GLI2: variants seen among roughly 807,000 people sequenced by gnomAD.
The protein encoded by GLI2 is transcription activator GLI2.
GLI2 carries 22 observed loss-of-function variants against 78.9 expected under a neutral mutation model. The observed-to-expected ratio is 0.28, with a 90% CI of 0.20 to 0.40. The LOEUF is 0.40. Among genes scored for constraint, GLI2 ranks in the 10% least tolerant of loss-of-function variants. GLI2 has a pLI of 1.00. For synonymous variants in GLI2, 974 were observed against 963.7 expected, an observed-to-expected ratio of 1.01 and a Z score of -0.20; for missense variants, 2,097 against 2,213.2, an observed-to-expected ratio of 0.95 and a Z score of 1.05.
chr2:120,955,181 T>TGGAGG, intron 4 of GLI2, 64 bp from the exon 5 acceptor site: 1 of 531,602 alleles, frequency 1.9e-6, no homozygotes, highest in Non-Finnish European at 3.3e-6. Flanking sequence ...TTTTTTTTTT[T>TGGAGG]GGCAGGAGAA....
intron 5 of GLI2, among the ~76,000 whole-genome samples, chr2:120,962,633 C>T (rs990080070): frequency 7.9e-5 from 12 of 152,218 alleles, no homozygotes; most frequent in Admixed American, 7.8e-4. Flanking sequence ...CAGATGAATA[C>T]TCCATGTTCC....
At chr2:120,849,030 T>C (rs991379048) in intron 2 of GLI2, among the ~76,000 whole-genome samples, 2 of 152,212 alleles carry the variant, frequency 1.3e-5, no homozygotes, top group Non-Finnish European at 2.9e-5. Context: ...TGACACATGC[T>C]GCAACATGGA....
In GLI2 at chr2:120,931,307, G is replaced by A. The variant is rs191622190; in HGVS notation, c.254+3841G>A. On this transcript the variant is annotated intron_variant, in intron 3 of 13. Transcript: ENST00000361492. The stretch of plus-strand genomic sequence containing the variant: ...TCACACACATCACCTTTTCCCCCTT[G>A]CTCTGTCCTCACCTTGCCCTCTTCC... 1.6e-3 allele frequency among the ~76,000 whole-genome samples: 236 copies of A among 152,226 alleles called. 1 individual carries two copies. The highest frequency in any genetic ancestry group is 5.3e-3 in the African/African-American group (222 of 41,524).
rs558543554 is a variant in GLI2, at chr2:120,882,373, G to T, written c.149-44988G>T. 3.3e-5 allele frequency among the ~76,000 whole-genome samples: 5 copies of T among 152,352 alleles called. No individual in the cohort carries two copies. The South Asian group carries it at 1.0e-3, about 32-fold the overall frequency. ...TTGGGCTGGAGGGCGCCCGCTGCAGGCGTCAGCTGCTGCCGGCTGCGGGAT... is the reference window on the plus strand; with the variant it reads ...TTGGGCTGGAGGGCGCCCGCTGCAGTCGTCAGCTGCTGCCGGCTGCGGGAT... On this transcript the variant is annotated intron_variant, in intron 2 of 13. Coordinates refer to ENST00000361492, the MANE Select transcript of GLI2 (RefSeq NM_001374353.1).
rs1233923100 is a variant in GLI2 at position 120,990,644 on chromosome 2, A to AG, written c.4681dup (p.Glu1561GlyfsTer44). The stretch of plus-strand genomic sequence containing the variant: ...AGCTCCATGCTCACCAGCCTCGCCG[A>AG]GGAGAGCAAGTTCCTGAACATGATG... On this transcript the variant is annotated frameshift_variant, in exon 14 of 14. Coordinates refer to ENST00000361492, the MANE Select transcript of GLI2 (RefSeq NM_001374353.1). LOFTEE classifies it high-confidence loss of function. 1 of 1,612,962 alleles carries AG rather than the reference A, an allele frequency of 6.2e-7. No individual in the cohort carries two copies. The highest frequency in any genetic ancestry group is 2.2e-5 in the East Asian group (1 of 44,852).
chr2:120,915,910 C>A (rs371001529), intron 2 of GLI2, among the ~76,000 whole-genome samples: 3 of 152,224 alleles, frequency 2.0e-5, no homozygotes, highest in African/African-American at 4.8e-5. Context: ...ATGTCTCCCC[C>A]ACTCCCGCCT....
At chr2:120,809,635 C>G (rs924702059) in intron 2 of GLI2, among the ~76,000 whole-genome samples, 4 of 152,262 alleles carry the variant, frequency 2.6e-5, no homozygotes, top group Non-Finnish European at 4.4e-5. Context: ...GGGGCCTGGT[C>G]GTGCTGCTGC....
chr2:120,879,467 G>A (rs1300537464), intron 2 of GLI2, among the ~76,000 whole-genome samples: 1 of 152,206 alleles, frequency 6.6e-6, no homozygotes, highest in Non-Finnish European at 1.5e-5. Flanking sequence ...CTCCTAGCCA[G>A]GCAGGAGATA....
intron 4 of GLI2, among the ~76,000 whole-genome samples, chr2:120,953,407 A>G (rs572431374): frequency 1.3e-5 from 2 of 152,214 alleles, no homozygotes; most frequent in Non-Finnish European, 2.9e-5. Flanking sequence ...CCCTGCCAGC[A>G]CCTTAATTTC....
At chr2:120,769,706 G>A (rs1047888661) in intron 1 of GLI2, among the ~76,000 whole-genome samples, 2 of 152,230 alleles carry the variant, frequency 1.3e-5, no homozygotes, top group African/African-American at 4.8e-5. Context: ...TGTGAATGTA[G>A]GGGTGTGTCT....
chr2:120,829,135 C>G (rs1686232803), intron 2 of GLI2, among the ~76,000 whole-genome samples: 1 of 152,160 alleles, frequency 6.6e-6, no homozygotes, highest in Non-Finnish European at 1.5e-5. Flanking sequence ...CACACACCAT[C>G]ACCACGTGCA....
chr2:120,780,137 TCTTA>T (rs1354811406), intron 1 of GLI2, among the ~76,000 whole-genome samples: 3 of 152,002 alleles, frequency 2.0e-5, no homozygotes, highest in African/African-American at 7.3e-5. Flanking sequence ...ATTACTCAGG[TCTTA>T]CTTAGCAGTT....
At position 120,908,927 on chromosome 2, in the gene GLI2, C is replaced by T. The variant is rs138304712; in HGVS notation, c.149-18434C>T. Among the ~76,000 whole-genome samples, 573 of 152,226 alleles carry T rather than the reference C, an allele frequency of 3.8e-3. 2 individuals carry two copies. Among genetic ancestry groups the T allele is most frequent in the African/African-American group, 0.013 (523 of 41,530 alleles). Reference sequence around the variant, plus strand: ...TCAGATGCAGGCTGAGAAGGCTTCACGTTAGTGCCTAGATCACCCCCCGTC... The same window carrying T: ...TCAGATGCAGGCTGAGAAGGCTTCATGTTAGTGCCTAGATCACCCCCCGTC... On this transcript the variant is annotated intron_variant, in intron 2 of 13. Transcript: ENST00000361492.
At chr2:120,943,080 G>A (rs189191569) in intron 3 of GLI2, among the ~76,000 whole-genome samples, 20 of 152,302 alleles carry the variant, frequency 1.3e-4, no homozygotes, top group East Asian at 9.7e-4. Context: ...GAACAGAAAC[G>A]GATACAGGAG....
At chr2:120,798,603 A>G (rs1343542873) in intron 2 of GLI2, among the ~76,000 whole-genome samples, 2 of 152,104 alleles carry the variant, frequency 1.3e-5, no homozygotes, top group South Asian at 2.1e-4. Flanking sequence ...TCTGAGGTCA[A>G]CCTTCAGGCC....
At chr2:120,769,133 C>T (rs1198315217) in intron 1 of GLI2, among the ~76,000 whole-genome samples, 6 of 152,194 alleles carry the variant, frequency 3.9e-5, no homozygotes, top group African/African-American at 1.4e-4. Flanking sequence ...GAGCACCGCT[C>T]ACCTCCAGAA....
chr2:120,899,709 G>A (rs1162685781), intron 2 of GLI2, among the ~76,000 whole-genome samples: 5 of 152,220 alleles, frequency 3.3e-5, no homozygotes, highest in Non-Finnish European at 7.3e-5. Flanking sequence ...AGGAATGGCG[G>A]TGCCCATCTT....
At chr2:120,787,157 G>A (rs1684020009) in intron 1 of GLI2, among the ~76,000 whole-genome samples, 1 of 152,204 alleles carries the variant, frequency 6.6e-6, no homozygotes, top group Admixed American at 6.5e-5. Flanking sequence ...TTCTCTGAGG[G>A]GGTGTCATAG....
chr2:120,948,319 C>T (rs1242295931), intron 3 of GLI2, among the ~76,000 whole-genome samples: 3 of 152,168 alleles, frequency 2.0e-5, no homozygotes, highest in Non-Finnish European at 4.4e-5. Flanking sequence ...GTCCAGGCAT[C>T]CCTGCAGAGA....
Sources: gnomAD v4.1 joint callset for allele counts (sites outside exome capture counted in the v4.1 genomes callset) on GRCh38, gnomAD v4.1.1 for gene constraint, MANE v1.5 for transcripts, NCBI Gene and HGNC (gene_info 2026-07-23, HGNC 2026-07-21) for gene names.